Variants in PALS1 observed in about 807,000 individuals in gnomAD.
PALS1 encodes the protein protein PALS1.
PALS1 carries 31 observed loss-of-function variants against 78.9 expected under a neutral mutation model. That is an observed-to-expected ratio of 0.39 (90% CI 0.30 to 0.53). PALS1 has a LOEUF of 0.53. Ranked by LOEUF, PALS1 falls within the 20% of genes least tolerant of loss-of-function variation. The probability of loss-of-function intolerance (pLI) is 0.67; values close to 1 mark genes in which losing one functional copy is unlikely to be tolerated. For missense variants in PALS1, 704 were observed against 826.5 expected, an observed-to-expected ratio of 0.85 and a Z score of 1.82; for synonymous variants, 276 against 270.9, an observed-to-expected ratio of 1.02 and a Z score of -0.18.
chr14:67,325,093 G>A (rs1487916304), intron 14 of PALS1, among the ~76,000 whole-genome samples: 2 of 151,706 alleles, frequency 1.3e-5, no homozygotes, highest in Non-Finnish European at 2.9e-5. Context: ...TTTTAGTAGA[G>A]ACAGGATTTC....
intron 4 of PALS1, among the ~76,000 whole-genome samples, chr14:67,300,674 G>A (rs1245551360): frequency 6.6e-6 from 1 of 151,704 alleles, no homozygotes; most frequent in Non-Finnish European, 1.5e-5. Context: ...ATAAATAGTA[G>A]GTGCCATTCT....
intron 4 of PALS1, among the ~76,000 whole-genome samples, chr14:67,296,118 G>A (rs17104202): frequency 0.31 from 46,961 of 151,828 alleles, 11,106 homozygotes; most frequent in African/African-American, 0.64. Flanking sequence ...GAGGGGAATG[G>A]TGAGAAGAAG....
At chr14:67,313,372 A>C (rs779503656) in intron 9 of PALS1, among the ~76,000 whole-genome samples, 3 of 152,240 alleles carry the variant, frequency 2.0e-5, no homozygotes, top group Non-Finnish European at 2.9e-5. Flanking sequence ...GTATTTACAC[A>C]AACCTAGATG....
At chr14:67,288,902 A>G (rs1595588008) in intron 3 of PALS1, among the ~76,000 whole-genome samples, 1 of 151,960 alleles carries the variant, frequency 6.6e-6, no homozygotes, top group East Asian at 1.9e-4. Context: ...ACTACTGATG[A>G]ACGCACATAT....
At position 67,335,238 on chromosome 14, in the gene PALS1, T is replaced by G. The variant is rs566931716; in HGVS notation, c.*2282T>G. On this transcript the variant is annotated 3_prime_UTR_variant, in exon 15 of 15. Coordinates refer to ENST00000261681, the MANE Select transcript of PALS1 (RefSeq NM_022474.4). ...TCCTAGTGATGAGGATGTGCTGATA[T>G]TCAACATAGTCCTTAAAGTGAAAAC... 2 of 152,342 alleles carry G rather than the reference T, an allele frequency of 1.3e-5. No homozygotes were observed. The highest frequency in any genetic ancestry group is 4.8e-5 in the African/African-American group (2 of 41,570). The allele number at this position is 152,342 out of a possible 1,614,324, so 9.4% of individuals were successfully genotyped here. A position where few individuals can be genotyped will look rare whatever the true frequency, so the allele number is the denominator to read the frequency against.
chr14:67,303,915 A>C, intron 8 of PALS1: 1 of 248,904 alleles, frequency 4.0e-6, no homozygotes, highest in Non-Finnish European at 7.8e-6. Flanking sequence ...TTCCAGGCGC[A>C]TGCCACCACA....
chr14:67,313,595 G>A (rs776681436), intron 9 of PALS1, among the ~76,000 whole-genome samples: 32 of 152,154 alleles, frequency 2.1e-4, no homozygotes, highest in Non-Finnish European at 3.5e-4. Context: ...AGCTATCGGA[G>A]AAGGCAAAGG....
intron 1 of PALS1, among the ~76,000 whole-genome samples, chr14:67,268,890 G>A (rs900470572): frequency 1.2e-4 from 18 of 152,114 alleles, no homozygotes; most frequent in Non-Finnish European, 1.9e-4. Context: ...AGTTGTTCTG[G>A]TTCAAACCCC....
At chr14:67,267,115 C>CAAAT (rs575119549) in intron 1 of PALS1, among the ~76,000 whole-genome samples, 1 of 151,796 alleles carries the variant, frequency 6.6e-6, no homozygotes, top group African/African-American at 2.4e-5. Flanking sequence ...CTCAAACAAA[C>CAAAT]AAATAAATAA....
At position 67,275,469 on chromosome 14, in the gene PALS1, C is replaced by G. The variant is rs1400188371; in HGVS notation, c.-153-3549C>G. ...CCAGCCTTGCATCCCAGGGATGAAG[C>G]CCATTTGATTGTGGTGCATAAGCTT... is the stretch of plus-strand genomic sequence containing the variant. On this transcript the variant is annotated intron_variant, in intron 2 of 14. Coordinates refer to ENST00000261681, the MANE Select transcript of PALS1 (RefSeq NM_022474.4). Among the ~76,000 whole-genome samples, 4 of 152,096 alleles carry G rather than the reference C, an allele frequency of 2.6e-5. No individual in the cohort carries two copies. The East Asian group carries it at 7.7e-4, about 29-fold the overall frequency.
chr14:67,298,636 T>C (rs1483549116), intron 4 of PALS1, among the ~76,000 whole-genome samples: 1 of 152,202 alleles, frequency 6.6e-6, no homozygotes, highest in African/African-American at 2.4e-5. Flanking sequence ...TTAGATGCTA[T>C]GAGTACATTT....
In PALS1 at chr14:67,279,549, T is replaced by C. The variant is rs372477808; in HGVS notation, c.367+12T>C. 3 of 1,517,454 alleles carry C rather than the reference T, an allele frequency of 2.0e-6. No homozygotes were observed. The highest frequency in any genetic ancestry group is 2.3e-5 in the Admixed American group (1 of 43,292). 94.0% of individuals were successfully genotyped at this position (1,517,454 alleles called of 1,614,324 possible). ...TGTGAAAATATTAGGTAAGTAAAAA[T>C]AGAGGTATAACAGAAAACATTTTGC... On this transcript the variant is annotated intron_variant, in intron 3 of 14. Coordinates refer to ENST00000261681, the MANE Select transcript of PALS1 (RefSeq NM_022474.4).
In PALS1 at chr14:67,331,443, TG is replaced by T. The variant is rs767635345; in HGVS notation, c.1852-1335del. On this transcript the variant is annotated intron_variant, in intron 14 of 14. Coordinates refer to ENST00000261681, the MANE Select transcript of PALS1 (RefSeq NM_022474.4). ...CTATAAAATTGTGCTAAGAAAATGA[TG>T]GCGTTACAAAATGTAACCAACCGGT... Among the ~76,000 whole-genome samples, 222 of 152,214 alleles carry T rather than the reference TG, an allele frequency of 1.5e-3. 1 individual carries two copies. Among genetic ancestry groups the T allele is most frequent in the Non-Finnish European group, 1.9e-3 (130 of 68,004 alleles).
At chr14:67,264,547 G>A (rs2084289066) in intron 1 of PALS1, among the ~76,000 whole-genome samples, 1 of 152,074 alleles carries the variant, frequency 6.6e-6, no homozygotes, top group African/African-American at 2.4e-5. Context: ...GTTGATTTTT[G>A]TACCGTAAAT....
intron 1 of PALS1, among the ~76,000 whole-genome samples, chr14:67,252,012 G>T (rs1171860333): frequency 6.6e-6 from 1 of 152,090 alleles, no homozygotes; most frequent in East Asian, 1.9e-4. Flanking sequence ...TCAAGGTGCT[G>T]GGAGGCTGGT....
chr14:67,283,207 G>T (rs1379077296), intron 3 of PALS1, among the ~76,000 whole-genome samples: 1 of 152,034 alleles, frequency 6.6e-6, no homozygotes, highest in Non-Finnish European at 1.5e-5. Context: ...TAAAGCTAAA[G>T]AACAAAATAT....
chr14:67,251,799 C>G (rs1213951485), intron 1 of PALS1, among the ~76,000 whole-genome samples: 1 of 152,166 alleles, frequency 6.6e-6, no homozygotes, highest in African/African-American at 2.4e-5. Flanking sequence ...TTCAGTGAGT[C>G]AACTCTTGGC....
At chr14:67,262,545 T>C (rs2084254990) in intron 1 of PALS1, among the ~76,000 whole-genome samples, 1 of 152,172 alleles carries the variant, frequency 6.6e-6, no homozygotes, top group Non-Finnish European at 1.5e-5. Flanking sequence ...TTCCTTCTGC[T>C]ACTTCCCTTT....
chr14:67,325,187 G>A (rs1409253580), intron 14 of PALS1, among the ~76,000 whole-genome samples: 1 of 152,056 alleles, frequency 6.6e-6, no homozygotes, highest in East Asian at 1.9e-4. Context: ...TTACAGGCGT[G>A]AGCCACCAGG....
Sources: gnomAD v4.1 joint callset for allele counts (sites outside exome capture counted in the v4.1 genomes callset) on GRCh38, gnomAD v4.1.1 for gene constraint, MANE v1.5 for transcripts, NCBI Gene and HGNC (gene_info 2026-07-23, HGNC 2026-07-21) for gene names.